The following CDH6 variants were observed in gnomAD, a reference collection of about 807,000 sequenced individuals.
CDH6 encodes the protein cadherin-6.
In CDH6, 31 loss-of-function variants were observed where a neutral mutation model predicts 78.0. The ratio of observed to expected loss-of-function variants is 0.40; its 90% CI spans 0.30 to 0.54. The LOEUF (loss-of-function observed/expected upper bound fraction) is 0.54. Among genes scored for constraint, CDH6 ranks in the 20% least tolerant of loss-of-function variants. CDH6 has a pLI of 0.56. For missense variants in CDH6, 724 were observed against 975.9 expected (o/e 0.74, Z 3.44); for synonymous variants, 376 against 368.8 (o/e 1.02, Z -0.23).
chr5:31,205,616 C>G (rs182746609), intron 1 of CDH6, among the ~76,000 whole-genome samples: 137 of 152,250 alleles, frequency 9.0e-4, no homozygotes, highest in African/African-American at 3.1e-3. Flanking sequence ...GAATTCATAC[C>G]TAAACTAAAC....
At chr5:31,213,664 C>T (rs952621462) in intron 1 of CDH6, among the ~76,000 whole-genome samples, 20 of 152,084 alleles carry the variant, frequency 1.3e-4, no homozygotes, top group Admixed American at 9.2e-4. Context: ...TGTCAGTTGG[C>T]AGATGCCTCT....
At chr5:31,267,019 T>G (rs1561049954) in intron 1 of CDH6, among the ~76,000 whole-genome samples, 1 of 152,170 alleles carries the variant, frequency 6.6e-6, no homozygotes, top group Non-Finnish European at 1.5e-5. Context: ...ACAAACTCAT[T>G]TTTTCTACCA....
chr5:31,279,445 G>A (rs1362682254), intron 2 of CDH6, among the ~76,000 whole-genome samples: 4 of 152,068 alleles, frequency 2.6e-5, no homozygotes, highest in Admixed American at 1.3e-4. Context: ...CAGGCGTGGT[G>A]GCATGCACCT....
chr5:31,313,539 T>C, intron 8 of CDH6, 85 bp downstream of exon 8: 4 of 1,275,508 alleles, frequency 3.1e-6, no homozygotes, highest in Non-Finnish European at 4.4e-6. Flanking sequence ...CTTGTCACCA[T>C]GTATTGACAA....
intron 2 of CDH6, among the ~76,000 whole-genome samples, chr5:31,270,766 C>T (rs1742509628): frequency 6.6e-6 from 1 of 151,856 alleles, no homozygotes; most frequent in Non-Finnish European, 1.5e-5. Flanking sequence ...GCGCAGTCTC[C>T]GCTTACTGCA....
chr5:31,201,933 C>CA (rs1211324406), intron 1 of CDH6, among the ~76,000 whole-genome samples: 6 of 151,754 alleles, frequency 4.0e-5, no homozygotes, highest in South Asian at 4.2e-4. Flanking sequence ...AACATATCCT[C>CA]AAAAAAAATA....
chr5:31,283,142 C>T (rs1011960441), intron 2 of CDH6, among the ~76,000 whole-genome samples: 6 of 152,154 alleles, frequency 3.9e-5, no homozygotes, highest in East Asian at 3.8e-4. Flanking sequence ...CTTGGGAAGA[C>T]GCTACTGGCA....
chr5:31,202,806 CAT>C (rs1053401253), intron 1 of CDH6, among the ~76,000 whole-genome samples: 157 of 150,622 alleles, frequency 1.0e-3, no homozygotes, highest in African/African-American at 3.6e-3. Context: ...ATATATGTGA[CAT>C]ATATAAAACT....
chr5:31,277,059 G>A (rs1244072743), intron 2 of CDH6, among the ~76,000 whole-genome samples: 1 of 152,220 alleles, frequency 6.6e-6, no homozygotes, highest in Admixed American at 6.5e-5. Flanking sequence ...TGGGTCAGAA[G>A]ATGCTGCCAA....
chr5:31,276,608 A>C (rs1742701799), intron 2 of CDH6, among the ~76,000 whole-genome samples: 1 of 152,296 alleles, frequency 6.6e-6, no homozygotes, highest in Admixed American at 6.5e-5. Context: ...TAGTTGAAGA[A>C]GTTATCTCAG....
chr5:31,302,890 A>AAAGAAAGGAAGGAAGGAAGGAAG (rs1438634851), intron 6 of CDH6, among the ~76,000 whole-genome samples: 1 of 137,494 alleles, frequency 7.3e-6, no homozygotes, highest in Admixed American at 7.4e-5. Flanking sequence ...AAGGAAGGAA[A>AAAGAAAGGAAGGAAGGAAGGAAG]GAAAGAAAGA....
At chr5:31,196,369 G>C (rs1740167946) in intron 1 of CDH6, among the ~76,000 whole-genome samples, 1 of 152,208 alleles carries the variant, frequency 6.6e-6, no homozygotes, top group Non-Finnish European at 1.5e-5. Context: ...GTCCCACAGA[G>C]ATTTCTTTAA....
intron 1 of CDH6, among the ~76,000 whole-genome samples, chr5:31,216,946 C>T (rs563008642): frequency 3.3e-5 from 5 of 152,110 alleles, no homozygotes; most frequent in South Asian, 2.1e-4. Flanking sequence ...GGTTGAGAGA[C>T]GGTAGAGAGG....
rs574968310 is a variant in CDH6, at chr5:31,309,054, C to CTGT, written c.1253+3630_1253+3632dup. Among the ~76,000 whole-genome samples, 76 of 152,126 alleles carry CTGT rather than the reference C, an allele frequency of 5.0e-4. No homozygotes were observed. The East Asian group carries it at 6.8e-3, about 14-fold the overall frequency. On this transcript the variant is annotated intron_variant, in intron 7 of 11. Transcript: ENST00000265071. ...AAGAAATGATCAAGTAAGTACAATG[C>CTGT]TGTTGCCTGAATTCTTAATAAATAT...
In CDH6 at chr5:31,242,705, G is replaced by C. The variant is rs61412635; in HGVS notation, c.-128-24641G>C. On this transcript the variant is annotated intron_variant, in intron 1 of 11. Transcript: ENST00000265071. ...GTCTTCTCTACAGAATAAGAATGGG[G>C]GGGGGCGGTTAGAAGAAAATATATA... is the stretch of plus-strand genomic sequence containing the variant. Among the ~76,000 whole-genome samples the C allele has an allele frequency of 2.5e-4, 33 of 132,970 alleles. No homozygotes were observed. In the East Asian group the frequency reaches 0.014, roughly 58 times the overall value. 87.2% of individuals were successfully genotyped at this position (132,970 alleles called of 152,430 possible).
At chr5:31,196,415 T>C (rs776967104) in intron 1 of CDH6, among the ~76,000 whole-genome samples, 22 of 152,218 alleles carry the variant, frequency 1.4e-4, no homozygotes, top group Non-Finnish European at 2.5e-4. Flanking sequence ...TGAGTGAAAC[T>C]ACAATCTTCC....
intron 2 of CDH6, among the ~76,000 whole-genome samples, chr5:31,275,701 C>T (rs1055453628): frequency 1.3e-5 from 2 of 152,100 alleles, no homozygotes; most frequent in Admixed American, 6.6e-5. Flanking sequence ...ACAAAAATCC[C>T]TAATTTTAAT....
intron 7 of CDH6, among the ~76,000 whole-genome samples, chr5:31,306,429 G>C (rs532101407): frequency 6.6e-6 from 1 of 152,260 alleles, no homozygotes; most frequent in East Asian, 1.9e-4. Context: ...GAAAATGCTG[G>C]AGTCAACCAA....
chr5:31,211,563 A>G (rs774894688), intron 1 of CDH6, among the ~76,000 whole-genome samples: 14 of 152,274 alleles, frequency 9.2e-5, no homozygotes, highest in Non-Finnish European at 1.9e-4. Context: ...CCAAGTCAAA[A>G]CAGTGTGAGA....
Sources: allele counts gnomAD v4.1 joint callset (sites outside exome capture counted in the v4.1 genomes callset), GRCh38; gene constraint gnomAD v4.1.1; transcripts MANE v1.5; gene names NCBI Gene and HGNC (gene_info 2026-07-23, HGNC 2026-07-21).